The following NEK7 variants were observed in gnomAD, a reference collection of about 807,000 sequenced individuals.
The protein encoded by NEK7 is NIMA related kinase 7.
Under a neutral mutation model 44.6 loss-of-function variants are expected in NEK7, and 18 were observed. The observed-to-expected ratio is 0.40, with a 90% confidence interval of 0.28 to 0.60. NEK7 has a LOEUF of 0.60. Among genes scored for constraint, NEK7 ranks in the 20% least tolerant of loss-of-function variants. The probability of loss-of-function intolerance (pLI) is 0.38; values close to 1 mark genes in which losing one functional copy is unlikely to be tolerated. For synonymous variants in NEK7, 130 were observed against 121.1 expected (o/e 1.07, Z -0.48); for missense variants, 256 against 366.5 (o/e 0.70, Z 2.46).
At chr1:198,180,183 C>T (rs1664722750) in intron 1 of NEK7, among the ~76,000 whole-genome samples, 2 of 151,560 alleles carry the variant, frequency 1.3e-5, no homozygotes, top group Admixed American at 1.3e-4. Flanking sequence ...TCTACACCTC[C>T]CTTTTTTTTT....
At chr1:198,287,309 A>G (rs554085726) in intron 7 of NEK7, among the ~76,000 whole-genome samples, 17 of 151,906 alleles carry the variant, frequency 1.1e-4, no homozygotes, top group Non-Finnish European at 2.5e-4. Flanking sequence ...GTGAAACCCC[A>G]TCTCTACTAA....
chr1:198,210,741 C>CTTTTTTTTTTTTTTT (rs140181207), intron 1 of NEK7, among the ~76,000 whole-genome samples: 13 of 57,538 alleles, frequency 2.3e-4, no homozygotes, highest in Non-Finnish European at 4.2e-4. Flanking sequence ...ATTTGTATTT[C>CTTTTTTTTTTTTTTT]TTTTTTTTTT....
At chr1:198,219,202 G>C (rs1666013852) in intron 1 of NEK7, among the ~76,000 whole-genome samples, 1 of 151,002 alleles carries the variant, frequency 6.6e-6, no homozygotes, top group South Asian at 2.1e-4. Flanking sequence ...ATATTGGTGT[G>C]TGTGTGTATA....
At chr1:198,169,045 A>T (rs1349753880) in intron 1 of NEK7, among the ~76,000 whole-genome samples, 1 of 152,218 alleles carries the variant, frequency 6.6e-6, no homozygotes, top group Admixed American at 6.5e-5. Context: ...TAGGTTGCAT[A>T]GTTGATTCAT....
At chr1:198,250,437 G>A (rs1224790751) in intron 2 of NEK7, among the ~76,000 whole-genome samples, 1 of 152,086 alleles carries the variant, frequency 6.6e-6, no homozygotes, top group African/African-American at 2.4e-5. Context: ...GTAGCTTGAT[G>A]GGAACGGCAT....
chr1:198,264,364 TGTAAC>T (rs1653580523), intron 5 of NEK7, 129 bp downstream of exon 5: 3 of 615,190 alleles, frequency 4.9e-6, no homozygotes, highest in African/African-American at 4.0e-5. Context: ...CTGATAGATA[TGTAAC>T]AAATAGTAGA....
chr1:198,313,210 T>A (rs1181852333), intron 9 of NEK7, among the ~76,000 whole-genome samples: 11 of 152,204 alleles, frequency 7.2e-5, no homozygotes, highest in Non-Finnish European at 1.5e-4. Flanking sequence ...TCTTTGTCTC[T>A]TTTGATCTTT....
intron 1 of NEK7, among the ~76,000 whole-genome samples, chr1:198,189,335 C>A (rs1161098925): frequency 9.9e-5 from 15 of 152,014 alleles, no homozygotes; most frequent in Admixed American, 9.8e-4. Flanking sequence ...ATATTTAAAG[C>A]ACAATTGAGA....
intron 3 of NEK7, among the ~76,000 whole-genome samples, chr1:198,253,722 TA>T (rs1316517490): frequency 6.6e-6 from 1 of 152,210 alleles, no homozygotes; most frequent in Non-Finnish European, 1.5e-5. Context: ...ATTTGCTCTC[TA>T]ATCCAGACCC....
intron 9 of NEK7, among the ~76,000 whole-genome samples, chr1:198,317,873 A>ATT (rs1410887023): frequency 2.7e-3 from 72 of 26,560 alleles, no homozygotes; most frequent in Non-Finnish European, 4.4e-3. Context: ...TACTGGATAT[A>ATT]TTTATTTTTT....
At chr1:198,250,278 T>G (rs1462129013) in intron 2 of NEK7, among the ~76,000 whole-genome samples, 4 of 149,210 alleles carry the variant, frequency 2.7e-5, no homozygotes, top group South Asian at 2.1e-4. Context: ...TTTTGGTTAC[T>G]GTAGCCTTGT....
chr1:198,258,704 C>T (rs1418692753), intron 3 of NEK7, among the ~76,000 whole-genome samples: 3 of 152,168 alleles, frequency 2.0e-5, no homozygotes, highest in African/African-American at 7.2e-5. Flanking sequence ...AAGAATTTAT[C>T]AGTCATTACT....
chr1:198,303,496 AAAAC>A (rs1654943229), intron 9 of NEK7, among the ~76,000 whole-genome samples: 1 of 152,096 alleles, frequency 6.6e-6, no homozygotes, highest in African/African-American at 2.4e-5. Flanking sequence ...ATATGAAAAA[AAAAC>A]AAGATGAAAG....
chr1:198,224,540 CTCAACAGAT>C (rs150011469), intron 1 of NEK7, among the ~76,000 whole-genome samples: 4,330 of 152,180 alleles, frequency 0.028, 200 homozygotes, highest in African/African-American at 0.099. Context: ...AACAATGTGT[CTCAACAGAT>C]TGAATGCAGA....
intron 2 of NEK7, among the ~76,000 whole-genome samples, chr1:198,241,628 C>G (rs1305896448): frequency 6.6e-6 from 1 of 152,184 alleles, no homozygotes; most frequent in Non-Finnish European, 1.5e-5. Context: ...AACAGAAGGA[C>G]ATAGCTTAGC....
chr1:198,316,743 G>T (rs1047967995), intron 9 of NEK7, among the ~76,000 whole-genome samples: 2 of 152,138 alleles, frequency 1.3e-5, no homozygotes, highest in South Asian at 4.2e-4. Context: ...CAAAGTGTCT[G>T]GTACATAATA....
chr1:198,240,328 A>C (rs1666648368), intron 2 of NEK7, among the ~76,000 whole-genome samples: 1 of 152,174 alleles, frequency 6.6e-6, no homozygotes, highest in South Asian at 2.1e-4. Context: ...ATTTTTGAAA[A>C]GAATGAGAAC....
In NEK7 at chr1:198,268,145, CT is replaced by C. The variant is rs56262835; in HGVS notation, c.372+3921del. 2.5e-4 allele frequency among the ~76,000 whole-genome samples: 36 copies of C among 146,256 alleles called. 1 individual carries two copies. The highest frequency in any genetic ancestry group is 1.1e-3 in the South Asian group (5 of 4,612). On this transcript the variant is annotated intron_variant, in intron 5 of 9. Coordinates refer to ENST00000367385, the MANE Select transcript of NEK7 (RefSeq NM_133494.3). ...TGGAATTTTAAGTTTCAGTCCTTGA[CT>C]TTTTTTTTTTAATGTTCTTACGTTA...
chr1:198,180,285 G>A (rs961452199), intron 1 of NEK7, among the ~76,000 whole-genome samples: 5 of 151,252 alleles, frequency 3.3e-5, no homozygotes, highest in African/African-American at 1.2e-4. Flanking sequence ...AATCAATAAC[G>A]AAGTATCATA....
Sources: gnomAD v4.1 joint callset for allele counts (sites outside exome capture counted in the v4.1 genomes callset) on GRCh38, gnomAD v4.1.1 for gene constraint, MANE v1.5 for transcripts, NCBI Gene and HGNC (gene_info 2026-07-23, HGNC 2026-07-21) for gene names.